Variants in IGF2BP2 observed in about 807,000 individuals in gnomAD.
The protein encoded by IGF2BP2 is insulin-like growth factor 2 mRNA-binding protein 2.
IGF2BP2 carries 17 observed loss-of-function variants against 75.8 expected under a neutral mutation model. The ratio of observed to expected loss-of-function variants is 0.22; its 90% CI spans 0.15 to 0.34. The LOEUF (loss-of-function observed/expected upper bound fraction) is 0.34. Ranked by LOEUF, IGF2BP2 falls within the 10% of genes least tolerant of loss-of-function variation. IGF2BP2 has a pLI of 1.00. For synonymous variants in IGF2BP2, 288 were observed against 295.6 expected, an observed-to-expected ratio of 0.97 and a Z score of 0.26; for missense variants, 516 against 772.4, an observed-to-expected ratio of 0.67 and a Z score of 3.93.
chr3:185,780,554 G>A (rs1735078832), intron 2 of IGF2BP2, among the ~76,000 whole-genome samples: 1 of 152,122 alleles, frequency 6.6e-6, no homozygotes, highest in Non-Finnish European at 1.5e-5. Flanking sequence ...CTGCTACTGC[G>A]TATATTCTGC....
chr3:185,748,215 T>C (rs1730517353), intron 2 of IGF2BP2, among the ~76,000 whole-genome samples: 1 of 152,180 alleles, frequency 6.6e-6, no homozygotes, highest in African/African-American at 2.4e-5. Flanking sequence ...CCTATCACTT[T>C]TTAAAGGGCT....
intron 2 of IGF2BP2, among the ~76,000 whole-genome samples, chr3:185,779,338 C>T (rs974322181): frequency 1.3e-5 from 2 of 152,126 alleles, no homozygotes; most frequent in Non-Finnish European, 2.9e-5. Context: ...AAAGTAGAGA[C>T]ATACAACAGA....
At chr3:185,745,199 C>G (rs1730091654) in intron 2 of IGF2BP2, among the ~76,000 whole-genome samples, 1 of 152,116 alleles carries the variant, frequency 6.6e-6, no homozygotes, top group Non-Finnish European at 1.5e-5. Context: ...TACCCCTGAC[C>G]CTTTCCCATG....
chr3:185,671,580 G>A (rs575058884), intron 10 of IGF2BP2, among the ~76,000 whole-genome samples: 2 of 151,378 alleles, frequency 1.3e-5, no homozygotes, highest in East Asian at 1.9e-4. Context: ...ATTCAGAAGA[G>A]CCATATATAA....
At chr3:185,774,383 C>G (rs2081701247) in intron 2 of IGF2BP2, among the ~76,000 whole-genome samples, 1 of 151,970 alleles carries the variant, frequency 6.6e-6, no homozygotes, top group African/African-American at 2.4e-5. Context: ...ATCACGAGGT[C>G]AGGAGATAGA....
In IGF2BP2 at chr3:185,821,855, C is replaced by CA. The variant is rs537336842; in HGVS notation, c.239+1297dup. Among the ~76,000 whole-genome samples, 57 of 151,844 alleles carry CA rather than the reference C, an allele frequency of 3.8e-4. 1 individual carries two copies. Among genetic ancestry groups the CA allele is most frequent in the African/African-American group, 1.3e-3 (55 of 41,462 alleles). On this transcript the variant is annotated intron_variant, in intron 2 of 15. Coordinates refer to ENST00000382199, the MANE Select transcript of IGF2BP2 (RefSeq NM_006548.6). ...AAAGCTTCAACTTGGATTTCTCAAG[C>CA]AAAAAATATTATTTTAAAGAAAAGT...
intron 13 of IGF2BP2, 88 bp downstream of exon 13, chr3:185,652,006 G>A (rs1233387359): frequency 1.3e-5 from 13 of 976,300 alleles, no homozygotes; most frequent in Non-Finnish European, 1.9e-5. Flanking sequence ...ATGGAGGCTG[G>A]GCCTCCAAAG....
chr3:185,784,271 C>A (rs185566216), intron 2 of IGF2BP2, among the ~76,000 whole-genome samples: 8 of 151,178 alleles, frequency 5.3e-5, no homozygotes, highest in Non-Finnish European at 8.8e-5. Flanking sequence ...GATAGATAGA[C>A]AGACAGACAG....
At chr3:185,660,765 T>C (rs1043570958) in intron 10 of IGF2BP2, among the ~76,000 whole-genome samples, 3 of 152,196 alleles carry the variant, frequency 2.0e-5, no homozygotes, top group African/African-American at 7.2e-5. Flanking sequence ...TCCTGGGCCA[T>C]GAAGAGCTGG....
chr3:185,645,328 C>A lies in IGF2BP2; in HGVS notation c.*203G>T. Reference sequence around the variant, plus strand: ...GGGAGGCGGGGCTCGGTGGTTCTGGCAAACCTGGCTGACCTTCCCCGCCCC... The same window carrying A: ...GGGAGGCGGGGCTCGGTGGTTCTGGAAAACCTGGCTGACCTTCCCCGCCCC... On this transcript the variant is annotated 3_prime_UTR_variant, in exon 16 of 16. Transcript: ENST00000382199. This position sits in a 1 kb window ranked among gnomAD's most constrained non-coding sequence, Gnocchi z 4.9. The A allele has an allele frequency of 1.8e-6, 1 of 569,642 alleles. No homozygotes were observed. The highest frequency in any genetic ancestry group is 3.1e-6 in the Non-Finnish European group (1 of 318,880). The allele number at this position is 569,642 out of a possible 1,614,324, so 35.3% of individuals were successfully genotyped here.
chr3:185,818,296 A>G (rs999707835), intron 2 of IGF2BP2, among the ~76,000 whole-genome samples: 28 of 152,186 alleles, frequency 1.8e-4, no homozygotes, highest in African/African-American at 4.6e-4. Context: ...GTGAAAAGGA[A>G]GGAGGGAAGA....
intron 2 of IGF2BP2, among the ~76,000 whole-genome samples, chr3:185,750,846 G>A (rs532297610): frequency 6.6e-6 from 1 of 152,340 alleles, no homozygotes; most frequent in African/African-American, 2.4e-5. Flanking sequence ...ATCAGCCAAA[G>A]ATAAGCAAAC....
chr3:185,740,950 T>C (rs1019614901), intron 2 of IGF2BP2, among the ~76,000 whole-genome samples: 1 of 152,264 alleles, frequency 6.6e-6, no homozygotes, highest in African/African-American at 2.4e-5. Flanking sequence ...CGATCTCGGC[T>C]CACTGCAACC....
intron 5 of IGF2BP2, among the ~76,000 whole-genome samples, chr3:185,690,426 A>G (rs1721792917): frequency 6.6e-6 from 1 of 152,248 alleles, no homozygotes; most frequent in Admixed American, 6.5e-5. Flanking sequence ...AAAACAGTTA[A>G]TATTCTAAAA....
At chr3:185,776,462 A>G (rs1734545020) in intron 2 of IGF2BP2, among the ~76,000 whole-genome samples, 1 of 152,186 alleles carries the variant, frequency 6.6e-6, no homozygotes, top group African/African-American at 2.4e-5. Context: ...GGAGAAATGA[A>G]GTTGATGGTG....
At chr3:185,777,705 G>C (rs953747366) in intron 2 of IGF2BP2, among the ~76,000 whole-genome samples, 1 of 152,180 alleles carries the variant, frequency 6.6e-6, no homozygotes, top group African/African-American at 2.4e-5. Context: ...TGTTTGCAAA[G>C]CTAAAATTGT....
At chr3:185,787,619 G>C (rs1736075191) in intron 2 of IGF2BP2, among the ~76,000 whole-genome samples, 1 of 152,116 alleles carries the variant, frequency 6.6e-6, no homozygotes, top group Non-Finnish European at 1.5e-5. Flanking sequence ...TGTAATTTCT[G>C]CTACTCAGGA....
intron 2 of IGF2BP2, among the ~76,000 whole-genome samples, chr3:185,804,841 A>C (rs1738786378): frequency 6.6e-6 from 1 of 151,860 alleles, no homozygotes; most frequent in Non-Finnish European, 1.5e-5. Context: ...TATAAAAAAA[A>C]ATTAGCTGGG....
At chr3:185,762,365 T>TAAA (rs1344233051) in intron 2 of IGF2BP2, among the ~76,000 whole-genome samples, 3 of 95,334 alleles carry the variant, frequency 3.1e-5, no homozygotes, top group African/African-American at 5.4e-5. Context: ...CAGGCTTTAC[T>TAAA]TAAAAAAAAA....
Sources: allele counts gnomAD v4.1 joint callset (sites outside exome capture counted in the v4.1 genomes callset), GRCh38; gene constraint gnomAD v4.1.1; non-coding constraint Gnocchi (gnomAD v3.1); transcripts MANE v1.5; gene names NCBI Gene and HGNC (gene_info 2026-07-23, HGNC 2026-07-21).